C10orf90: variants seen among roughly 807,000 people sequenced by gnomAD.
The protein encoded by C10orf90 is chromosome 10 open reading frame 90.
C10orf90 carries 56 observed loss-of-function variants against 62.5 expected under a neutral mutation model. The observed-to-expected ratio is 0.90, with a 90% CI of 0.72 to 1.12. The LOEUF is 1.12. Among genes scored for constraint, C10orf90 ranks in the 50% most tolerant of loss-of-function variants. The pLI, the probability that C10orf90 is intolerant of heterozygous loss-of-function variation, is 0.00. For missense variants in C10orf90, 970 were observed against 880.4 expected, an observed-to-expected ratio of 1.10 and a Z score of -1.29; for synonymous variants, 386 against 340.4, an observed-to-expected ratio of 1.13 and a Z score of -1.47.
chr10:126,619,931 T>C (rs1036009408), intron 2 of C10orf90, among the ~76,000 whole-genome samples: 2 of 152,178 alleles, frequency 1.3e-5, no homozygotes, highest in Admixed American at 1.3e-4. Context: ...CTGCACCTAG[T>C]CATTTTTTCT....
chr10:126,502,089 C>T (rs201791490), intron 4 of C10orf90, among the ~76,000 whole-genome samples: 1 of 145,242 alleles, frequency 6.9e-6, no homozygotes, highest in Non-Finnish European at 1.5e-5. Context: ...ACACACCACA[C>T]AACCACACAC....
At chr10:126,640,348 C>G (rs995997751) in intron 2 of C10orf90, among the ~76,000 whole-genome samples, 1 of 152,220 alleles carries the variant, frequency 6.6e-6, no homozygotes, top group Admixed American at 6.5e-5. Flanking sequence ...GCCACTCACA[C>G]GCTGATTCCC....
intron 2 of C10orf90, among the ~76,000 whole-genome samples, chr10:126,535,284 G>A (rs146383594): frequency 0.011 from 1,667 of 152,072 alleles, 39 homozygotes; most frequent in African/African-American, 0.038. Context: ...TTGGGAGGCC[G>A]AGGCAGGCGG....
chr10:126,494,515 T>G (rs574362363), intron 4 of C10orf90, among the ~76,000 whole-genome samples: 2 of 152,258 alleles, frequency 1.3e-5, no homozygotes, highest in Admixed American at 1.3e-4. Context: ...GAATTTAGAT[T>G]TTTTTTCCTG....
chr10:126,575,546 G>A (rs904141989), intron 2 of C10orf90, among the ~76,000 whole-genome samples: 1 of 151,086 alleles, frequency 6.6e-6, no homozygotes, highest in Admixed American at 6.6e-5. Flanking sequence ...AAATACCAAT[G>A]ACATTTTTCA....
At chr10:126,521,162 A>T in intron 2 of C10orf90, 1 of 935,450 alleles carries the variant, frequency 1.1e-6, no homozygotes, top group Non-Finnish European at 1.6e-6. Flanking sequence ...CCAGGTCTTT[A>T]GAGATACCTG....
intron 1 of C10orf90, among the ~76,000 whole-genome samples, chr10:126,650,612 G>C (rs533140115): frequency 2.0e-5 from 3 of 152,326 alleles, no homozygotes; most frequent in Admixed American, 1.3e-4. Context: ...CTAGGGAATA[G>C]AGAACTATGA....
At chr10:126,642,196 C>T (rs2576007) in intron 2 of C10orf90, among the ~76,000 whole-genome samples, 4,785 of 152,182 alleles carry the variant, frequency 0.031, 109 homozygotes, top group South Asian at 0.065. Context: ...AAAGATGAAT[C>T]GCTAATTGAT....
At chr10:126,562,281 C>T (rs1012619806) in intron 2 of C10orf90, among the ~76,000 whole-genome samples, 10 of 152,146 alleles carry the variant, frequency 6.6e-5, no homozygotes, top group Non-Finnish European at 1.2e-4. Context: ...CCCTGCCCTC[C>T]CTTACCCCCT....
intron 2 of C10orf90, among the ~76,000 whole-genome samples, chr10:126,641,437 A>G (rs1846055799): frequency 6.6e-6 from 1 of 152,140 alleles, no homozygotes; most frequent in Non-Finnish European, 1.5e-5. Flanking sequence ...GGTCAGGTTA[A>G]ATCGATCAGA....
chr10:126,444,368 T>C (rs989247728), intron 7 of C10orf90, among the ~76,000 whole-genome samples: 2 of 152,012 alleles, frequency 1.3e-5, no homozygotes, highest in South Asian at 2.1e-4. Context: ...AGCTCTCCTA[T>C]ACAACAAGAG....
At chr10:126,668,606 A>G (rs1252163515) in intron 1 of C10orf90, among the ~76,000 whole-genome samples, 2 of 152,242 alleles carry the variant, frequency 1.3e-5, no homozygotes, top group African/African-American at 4.8e-5. Flanking sequence ...CTTGAAGTTC[A>G]GAGGGACAGG....
chr10:126,655,367 T>C (rs1268531823), intron 1 of C10orf90, among the ~76,000 whole-genome samples: 1 of 152,068 alleles, frequency 6.6e-6, no homozygotes, highest in Non-Finnish European at 1.5e-5. Context: ...CAGATAACCA[T>C]AACAGATATA....
intron 4 of C10orf90, among the ~76,000 whole-genome samples, chr10:126,478,129 C>T (rs1860988754): frequency 6.6e-6 from 1 of 152,020 alleles, no homozygotes; most frequent in African/African-American, 2.4e-5. Flanking sequence ...TAACTGGGAC[C>T]TATGGTTGGT....
chr10:126,493,941 C>G (rs1156569508), intron 4 of C10orf90, among the ~76,000 whole-genome samples: 6 of 152,222 alleles, frequency 3.9e-5, no homozygotes, highest in Admixed American at 6.5e-5. Flanking sequence ...CCACCCCTCC[C>G]CAGCTCCGCT....
intron 2 of C10orf90, among the ~76,000 whole-genome samples, chr10:126,639,421 G>T (rs766266451): frequency 4.6e-5 from 7 of 152,136 alleles, no homozygotes; most frequent in Non-Finnish European, 7.3e-5. Context: ...CTCAGACCTG[G>T]CTCCTTTATT....
chr10:126,531,738 A>G (rs1780704982), intron 2 of C10orf90, among the ~76,000 whole-genome samples: 1 of 152,224 alleles, frequency 6.6e-6, no homozygotes, highest in Admixed American at 6.5e-5. Context: ...GTTTTCTTGC[A>G]CCCAGAAAAT....
At chr10:126,566,909 C>T (rs1018041564) in intron 2 of C10orf90, among the ~76,000 whole-genome samples, 3 of 152,036 alleles carry the variant, frequency 2.0e-5, no homozygotes, top group African/African-American at 7.2e-5. Context: ...TCTAGATTTC[C>T]TACTGAGACC....
chr10:126,489,365 G>A (rs549071275), intron 4 of C10orf90, among the ~76,000 whole-genome samples: 4 of 152,084 alleles, frequency 2.6e-5, no homozygotes, highest in Non-Finnish European at 5.9e-5. Flanking sequence ...AAACAACAAC[G>A]ATTAAAAACA....
Sources: gnomAD v4.1 joint callset for allele counts (sites outside exome capture counted in the v4.1 genomes callset) on GRCh38, gnomAD v4.1.1 for gene constraint, MANE v1.5 for transcripts, NCBI Gene and HGNC (gene_info 2026-07-23, HGNC 2026-07-21) for gene names.